The following HIRA variants were observed in gnomAD, a reference collection of about 807,000 sequenced individuals.
HIRA encodes protein HIRA.
Under a neutral mutation model 126.6 loss-of-function variants are expected in HIRA, and 13 were observed. That is an observed-to-expected ratio of 0.10 (90% CI 0.07 to 0.16). HIRA has a LOEUF of 0.16. Among genes scored for constraint, HIRA ranks in the 10% least tolerant of loss-of-function variants. HIRA has a pLI of 1.00. For missense variants in HIRA, 834 were observed against 1,314.4 expected (o/e 0.63, Z 5.65); for synonymous variants, 511 against 520.0 (o/e 0.98, Z 0.24).
chr22:19,420,048 GT>G (rs2089431544), intron 1 of HIRA, among the ~76,000 whole-genome samples: 2 of 151,122 alleles, frequency 1.3e-5, no homozygotes, highest in Admixed American at 1.3e-4. Context: ...CATTGTGTGT[GT>G]GTGTGTGTGT....
Position 19,361,830 on chromosome 22 carries a change from A to G in HIRA, c.1877T>C (p.Leu626Pro). The G allele has an allele frequency of 6.2e-7, 1 of 1,614,190 alleles. No individual in the cohort carries two copies. Among genetic ancestry groups the G allele is most frequent in the Non-Finnish European group, 8.5e-7 (1 of 1,180,040 alleles). ...EKVPLAKASS[L>P]SKRKLELEVE... ...CTCAAGCTCAAGTTTTCGCTTGGAC[A>G]GTGAGGAAGCCTTAGCCAAAGGGAC... The change falls in exon 16 of 25, where the codon CTG becomes CCG. Residue 626 changes from leucine (L) to proline (P), a missense_variant. Coordinates refer to ENST00000263208, the MANE Select transcript of HIRA (RefSeq NM_003325.4).
chr22:19,372,460 T>G (rs2088975129), intron 15 of HIRA, among the ~76,000 whole-genome samples: 1 of 152,220 alleles, frequency 6.6e-6, no homozygotes, highest in Non-Finnish European at 1.5e-5. Context: ...TAAAAGTTAT[T>G]TATATAATTT....
rs759500612 is a variant in HIRA at position 19,387,865 on chromosome 22, C to A, written c.1008-49G>T. The A allele has an allele frequency of 4.4e-6, 6 of 1,375,184 alleles. No individual in the cohort carries two copies. In the African/African-American group the frequency reaches 7.2e-5, roughly 16 times the overall value. 85.2% of individuals were successfully genotyped at this position (1,375,184 alleles called of 1,614,324 possible). On this transcript the variant is annotated intron_variant, in intron 10 of 24. Transcript: ENST00000263208. ...CCTGGTAGCAAGAGCCCCAGGCAGACACATGTGCCGCAGTAGCTGGCCTGT... is the reference window on the plus strand; with the variant it reads ...CCTGGTAGCAAGAGCCCCAGGCAGAAACATGTGCCGCAGTAGCTGGCCTGT...
intron 12 of HIRA, among the ~76,000 whole-genome samples, chr22:19,385,150 C>T (rs1185140527): frequency 2.0e-5 from 3 of 152,210 alleles, no homozygotes; most frequent in Admixed American, 1.3e-4. Context: ...TTTCCAACCC[C>T]TTCCCATCAA....
In HIRA at chr22:19,398,071, T is replaced by C. The variant is rs560667372; in HGVS notation, c.414A>G (p.Ala138=). The part of the protein sequence containing the change: ...RNHSGDVMDV[A]WSPHDAWLAS... ...CTAGCCAGGCATCGTGGGGAGACCA[T>C]GCTACATCCATCACATCTGAAAGAA... is the stretch of plus-strand genomic sequence containing the variant. Residue 138 remains alanine (A), a synonymous_variant, in exon 6 of 25, where the codon GCA becomes GCG. Coordinates refer to ENST00000263208, the MANE Select transcript of HIRA (RefSeq NM_003325.4). 1.2e-6 allele frequency: 2 copies of C among 1,613,896 alleles called. No individual in the cohort carries two copies. Among genetic ancestry groups the C allele is most frequent in the South Asian group, 2.2e-5 (2 of 91,066 alleles).
intron 5 of HIRA, 101 bp downstream of exon 5, chr22:19,405,685 G>T: frequency 1.0e-6 from 1 of 958,678 alleles, no homozygotes; most frequent in Non-Finnish European, 1.4e-6. Flanking sequence ...CAGACATAGG[G>T]CTGCTTTAAG....
intron 1 of HIRA, among the ~76,000 whole-genome samples, chr22:19,422,191 CACATACACAT>C (rs1196601417): frequency 3.3e-5 from 4 of 122,744 alleles, no homozygotes; most frequent in African/African-American, 8.0e-5. Flanking sequence ...CACACACACA[CACATACACAT>C]ATATATATAT....
intron 1 of HIRA, among the ~76,000 whole-genome samples, chr22:19,421,673 T>C (rs2146256610): frequency 6.6e-6 from 1 of 150,600 alleles, no homozygotes; most frequent in Non-Finnish European, 1.5e-5. Flanking sequence ...TTAACTCTTT[T>C]GTGTGTGTGT....
intron 18 of HIRA, among the ~76,000 whole-genome samples, chr22:19,357,803 C>T (rs1168111525): frequency 6.6e-6 from 1 of 152,212 alleles, no homozygotes; most frequent in African/African-American, 2.4e-5. Flanking sequence ...GTGAGCCAGT[C>T]ACTCCAGCAG....
At chr22:19,414,576 T>C (rs1303164400) in intron 1 of HIRA, among the ~76,000 whole-genome samples, 4 of 152,234 alleles carry the variant, frequency 2.6e-5, no homozygotes, top group African/African-American at 4.8e-5. Context: ...CTTGGGAAAG[T>C]TGAGGCTTTT....
intron 12 of HIRA, among the ~76,000 whole-genome samples, chr22:19,384,856 T>C (rs2089111273): frequency 6.6e-6 from 1 of 151,490 alleles, no homozygotes; most frequent in African/African-American, 2.4e-5. Context: ...GGTTTCACCA[T>C]GTTGGCCAGG....
At chr22:19,394,278 A>T in intron 8 of HIRA, 64 bp downstream of exon 8, 1 of 1,557,592 alleles carries the variant, frequency 6.4e-7, no homozygotes, top group South Asian at 1.1e-5. Context: ...TATTCAAAAT[A>T]AACCAAGAAT....
At chr22:19,401,451 C>T (rs1042627015) in intron 5 of HIRA, among the ~76,000 whole-genome samples, 8 of 152,168 alleles carry the variant, frequency 5.3e-5, no homozygotes, top group African/African-American at 1.9e-4. Context: ...AATCCCTAGG[C>T]TCATCCTTGG....
intron 9 of HIRA, among the ~76,000 whole-genome samples, chr22:19,390,627 A>AAAAAAAAAAAAAAAAAT (rs61174807): frequency 6.7e-6 from 1 of 149,070 alleles, no homozygotes; most frequent in Non-Finnish European, 1.5e-5. Flanking sequence ...AAAAAAAAAA[A>AAAAAAAAAAAAAAAAAT]GAAGCTGAAG....
At chr22:19,408,665 T>A in intron 2 of HIRA, 72 bp from the exon 3 acceptor site, 1 of 844,280 alleles carries the variant, frequency 1.2e-6, no homozygotes, top group Non-Finnish European at 2.0e-6. Flanking sequence ...AATGTCAAAT[T>A]AAATTAGGAG....
Position 19,358,030 on chromosome 22 carries a change from C to T in HIRA, c.2235-979G>A, listed in dbSNP as rs370834914. 9.2e-5 allele frequency among the ~76,000 whole-genome samples: 14 copies of T among 152,272 alleles called. No homozygotes were observed. In the East Asian group the frequency reaches 1.9e-3, roughly 21 times the overall value. On this transcript the variant is annotated intron_variant, in intron 18 of 24. Coordinates refer to ENST00000263208, the MANE Select transcript of HIRA (RefSeq NM_003325.4). ...TCTTATTTTTTCTGAGACAGAGTCT[C>T]GGTCTGTCGCCCAGGCTGGAGTGTA...
At chr22:19,376,153 C>T (rs2089016887) in intron 14 of HIRA, among the ~76,000 whole-genome samples, 1 of 152,162 alleles carries the variant, frequency 6.6e-6, no homozygotes, top group Non-Finnish European at 1.5e-5. Context: ...CAGCCACTCA[C>T]CTTTCCCACT....
intron 24 of HIRA, among the ~76,000 whole-genome samples, chr22:19,346,138 G>A (rs1556008814): frequency 6.6e-6 from 1 of 151,890 alleles, no homozygotes; most frequent in Non-Finnish European, 1.5e-5. Context: ...ATGGCTGGTT[G>A]GAAGTCCACC....
intron 15 of HIRA, among the ~76,000 whole-genome samples, chr22:19,371,303 T>C (rs1397836032): frequency 6.6e-6 from 1 of 152,214 alleles, no homozygotes; most frequent in African/African-American, 2.4e-5. Context: ...TGTGCCACTC[T>C]GGCCAATTTT....
Sources: allele counts gnomAD v4.1 joint callset (sites outside exome capture counted in the v4.1 genomes callset), GRCh38; gene constraint gnomAD v4.1.1; transcripts MANE v1.5; gene names NCBI Gene and HGNC (gene_info 2026-07-23, HGNC 2026-07-21).